Variants in OSBPL8 observed in about 807,000 individuals in gnomAD.
OSBPL8 encodes the protein oxysterol-binding protein-related protein 8.
A neutral mutation model predicts 125.5 loss-of-function variants in OSBPL8; 59 were observed. The observed-to-expected ratio is 0.47, with a 90% CI of 0.38 to 0.58. OSBPL8 has a LOEUF of 0.58. Ranked by LOEUF, OSBPL8 falls within the 20% of genes least tolerant of loss-of-function variation. The pLI, the probability that OSBPL8 is intolerant of heterozygous loss-of-function variation, is 0.00. For missense variants in OSBPL8, 758 were observed against 1,047.8 expected (o/e 0.72, Z 3.82); for synonymous variants, 330 against 338.9 (o/e 0.97, Z 0.29).
At chr12:76,401,073 A>T (rs936910188) in intron 6 of OSBPL8, among the ~76,000 whole-genome samples, 1 of 152,060 alleles carries the variant, frequency 6.6e-6, no homozygotes, top group Non-Finnish European at 1.5e-5. Context: ...GTGAGCCACC[A>T]CACCTGGCCA....
At position 76,559,488 on chromosome 12, in the gene OSBPL8, T is replaced by A. The variant is rs1951210976; in HGVS notation, c.-159A>T. On this transcript the variant is annotated 5_prime_UTR_variant, in exon 1 of 24. Coordinates refer to ENST00000261183, the MANE Select transcript of OSBPL8 (RefSeq NM_020841.5). ...GGTCCGAGGCCCCGTAAGCGTCTAG[T>A]CAGACCCCAACTTCTCTCGGCCGCT... 6.6e-6 allele frequency: 1 copy of A among 152,014 alleles called. No homozygotes were observed. Among genetic ancestry groups the A allele is most frequent in the Non-Finnish European group, 1.5e-5 (1 of 68,024 alleles). 9.4% of individuals were successfully genotyped at this position (152,014 alleles called of 1,614,324 possible).
intron 1 of OSBPL8, among the ~76,000 whole-genome samples, chr12:76,556,580 C>T (rs1247316523): frequency 6.6e-6 from 1 of 152,196 alleles, no homozygotes; most frequent in Non-Finnish European, 1.5e-5. Context: ...ACTTTGGCCA[C>T]AACTGCTCCA....
intron 1 of OSBPL8, among the ~76,000 whole-genome samples, chr12:76,503,208 G>C (rs533224679): frequency 7.2e-5 from 11 of 152,182 alleles, no homozygotes; most frequent in Admixed American, 2.0e-4. Context: ...TTAAACAACA[G>C]AACATTATTT....
At chr12:76,550,060 G>A (rs1950892460) in intron 1 of OSBPL8, among the ~76,000 whole-genome samples, 1 of 145,394 alleles carries the variant, frequency 6.9e-6, no homozygotes, top group Admixed American at 6.9e-5. Flanking sequence ...AATAGAGAAT[G>A]CAGCACAAAA....
intron 2 of OSBPL8, among the ~76,000 whole-genome samples, chr12:76,475,327 T>C (rs79452279): frequency 0.01 from 1,588 of 152,304 alleles, 37 homozygotes; most frequent in African/African-American, 0.037. Context: ...AGTTGCATTA[T>C]TTATGGATAC....
chr12:76,372,721 C>A (rs1042996584), intron 18 of OSBPL8, among the ~76,000 whole-genome samples: 1 of 152,070 alleles, frequency 6.6e-6, no homozygotes, highest in South Asian at 2.1e-4. Context: ...TTCATTTAAG[C>A]GTCTCTTAAC....
intron 4 of OSBPL8, among the ~76,000 whole-genome samples, chr12:76,414,982 T>A (rs1020337545): frequency 8.5e-5 from 13 of 152,190 alleles, no homozygotes; most frequent in African/African-American, 3.1e-4. Flanking sequence ...CATTGTCCTC[T>A]TTATAAAAAG....
At chr12:76,510,408 A>C (rs1880852940) in intron 1 of OSBPL8, among the ~76,000 whole-genome samples, 1 of 152,358 alleles carries the variant, frequency 6.6e-6, no homozygotes, top group Admixed American at 6.5e-5. Context: ...ATACTAACAT[A>C]AGTTCAATAA....
rs1359655520 is a variant in OSBPL8 at position 76,356,829 on chromosome 12, T to A, written c.2435-101A>T. 3 of 720,396 alleles carry A rather than the reference T, an allele frequency of 4.2e-6. No individual in the cohort carries two copies. In the African/African-American group the frequency reaches 5.4e-5, roughly 13 times the overall value. 44.6% of individuals were successfully genotyped at this position (720,396 alleles called of 1,614,324 possible). A position where few individuals can be genotyped will look rare whatever the true frequency, so the allele number is the denominator to read the frequency against. The stretch of plus-strand genomic sequence containing the variant: ...AAATTTTCCTGGGCATTTGTTTTTG[T>A]AGCCTAGAGATTAGCATAGTAATAT... On this transcript the variant is annotated intron_variant, in intron 22 of 23. Transcript: ENST00000261183.
intron 4 of OSBPL8, among the ~76,000 whole-genome samples, chr12:76,413,666 G>A (rs926046871): frequency 5.3e-5 from 8 of 152,104 alleles, no homozygotes; most frequent in Non-Finnish European, 1.2e-4. Flanking sequence ...ACAGTAGTTT[G>A]TCAGTGAAGT....
Position 76,418,978 on chromosome 12 carries a change from A to G in OSBPL8, c.218-8344T>C, listed in dbSNP as rs908693699. On this transcript the variant is annotated intron_variant, in intron 4 of 23. Transcript: ENST00000261183. Reference sequence around the variant, plus strand: ...AGGCTGGGCATGATGGCTCATGCCTATAATCCCAGAACTTTGGGAGGCTGA... The same window carrying G: ...AGGCTGGGCATGATGGCTCATGCCTGTAATCCCAGAACTTTGGGAGGCTGA... 2.0e-5 allele frequency among the ~76,000 whole-genome samples: 3 copies of G among 152,024 alleles called. No individual in the cohort carries two copies. In the South Asian group the frequency reaches 6.2e-4, roughly 32 times the overall value.
intron 2 of OSBPL8, among the ~76,000 whole-genome samples, chr12:76,472,154 C>T (rs974041360): frequency 2.6e-5 from 4 of 152,158 alleles, no homozygotes; most frequent in African/African-American, 4.8e-5. Context: ...TCGTATAGCT[C>T]GGGAAAAGCT....
Position 76,358,827 on chromosome 12 carries a change from A to C in OSBPL8, c.2329-16T>G, listed in dbSNP as rs1395326483. 6.2e-7 allele frequency: 1 copy of C among 1,602,778 alleles called. No homozygotes were observed. Among genetic ancestry groups the C allele is most frequent in the African/African-American group, 1.3e-5 (1 of 74,660 alleles). Reference sequence around the variant, plus strand: ...GGACGCTAACCTAAAGAAAAAAATAACTATTTTGTGAATTTGCACTGTATT... The same window carrying C: ...GGACGCTAACCTAAAGAAAAAAATACCTATTTTGTGAATTTGCACTGTATT... On this transcript the variant is annotated splice_polypyrimidine_tract_variant and intron_variant, in intron 21 of 23. Transcript: ENST00000261183.
Position 76,354,694 on chromosome 12 carries a change from A to G in OSBPL8, c.*1195T>C, listed in dbSNP as rs559501105. On this transcript the variant is annotated 3_prime_UTR_variant, in exon 24 of 24. Coordinates refer to ENST00000261183, the MANE Select transcript of OSBPL8 (RefSeq NM_020841.5). Reference sequence around the variant, plus strand: ...AAATATTAAACTGAAGAAACAAACAAAAAAATTTGCCTTAGCCTGAACAAT... The same window carrying G: ...AAATATTAAACTGAAGAAACAAACAGAAAAATTTGCCTTAGCCTGAACAAT... 1 of 152,126 alleles carries G rather than the reference A, an allele frequency of 6.6e-6. No homozygotes were observed. Among genetic ancestry groups the G allele is most frequent in the African/African-American group, 2.4e-5 (1 of 41,566 alleles). The allele number at this position is 152,126 out of a possible 1,614,324, so 9.4% of individuals were successfully genotyped here.
intron 6 of OSBPL8, 117 bp from the exon 7 acceptor site, chr12:76,400,091 G>T: frequency 1.4e-6 from 1 of 715,844 alleles, no homozygotes; most frequent in Non-Finnish European, 2.2e-6. Flanking sequence ...ATGGGGTTTT[G>T]TTGTACATAT....
chr12:76,549,523 G>A (rs915704733), intron 1 of OSBPL8, among the ~76,000 whole-genome samples: 1 of 152,136 alleles, frequency 6.6e-6, no homozygotes, highest in Non-Finnish European at 1.5e-5. Context: ...TGATTCTCCT[G>A]CCTCAGACTC....
chr12:76,514,651 G>C (rs925461571), intron 1 of OSBPL8, among the ~76,000 whole-genome samples: 1 of 152,086 alleles, frequency 6.6e-6, no homozygotes, highest in African/African-American at 2.4e-5. Flanking sequence ...TTCTTGTATA[G>C]AGTCTTTCAG....
chr12:76,552,115 C>T (rs905804630), intron 1 of OSBPL8, among the ~76,000 whole-genome samples: 9 of 152,176 alleles, frequency 5.9e-5, no homozygotes, highest in African/African-American at 2.2e-4. Flanking sequence ...AAATTGATTT[C>T]TATTCACATT....
chr12:76,405,472 T>C (rs1019194477), intron 5 of OSBPL8, among the ~76,000 whole-genome samples: 2 of 151,912 alleles, frequency 1.3e-5, no homozygotes, highest in Admixed American at 1.3e-4. Context: ...AAAAATCAAA[T>C]TTGTTTCCCT....
Sources: allele counts gnomAD v4.1 joint callset (sites outside exome capture counted in the v4.1 genomes callset), GRCh38; gene constraint gnomAD v4.1.1; transcripts MANE v1.5; gene names NCBI Gene and HGNC (gene_info 2026-07-23, HGNC 2026-07-21).